The following ACER1 variants were observed in gnomAD, a reference collection of about 807,000 sequenced individuals.
ACER1 encodes the protein alkaline ceramidase 1, also known as CTB-180A7.3.
Under a neutral mutation model 24.9 loss-of-function variants are expected in ACER1, and 28 were observed. The ratio of observed to expected loss-of-function variants is 1.13; its 90% CI spans 0.83 to 1.54. ACER1 has a LOEUF of 1.54. Among genes scored for constraint, ACER1 ranks in the 40% most tolerant of loss-of-function variants. The pLI is 0.00. For missense variants in ACER1, 352 were observed against 349.3 expected (o/e 1.01, Z -0.06); for synonymous variants, 132 against 131.4 (o/e 1.00, Z -0.03).
chr19:6,337,661 C>CTTTTTTTTTTTTTTTTTTTTTTTTT (rs1192304687), upstream of ACER1, among the ~76,000 whole-genome samples: 1 of 25,932 alleles, frequency 3.9e-5, no homozygotes, highest in Non-Finnish European at 6.8e-5. Flanking sequence ...TTCTTTCTTT[C>CTTTTTTTTTTTTTTTTTTTTTTTTT]TTTTTTTTTT....
At chr19:6,359,577 C>G in the ACER1 span, among the ~76,000 whole-genome samples, 2 of 151,968 alleles carry the variant, frequency 1.3e-5, no homozygotes, top group Admixed American at 6.6e-5. Context: ...CTTGGGCTCC[C>G]AAAGTGCTGG....
chr19:6,351,097 T>C, the ACER1 span, among the ~76,000 whole-genome samples: 1 of 152,192 alleles, frequency 6.6e-6, no homozygotes, highest in African/African-American at 2.4e-5. Context: ...CCGGGTGTGG[T>C]GGCTCACGCC....
intron 1 of ACER1, among the ~76,000 whole-genome samples, chr19:6,327,603 A>G (rs1408148182): frequency 2.0e-5 from 3 of 149,214 alleles, no homozygotes; most frequent in Non-Finnish European, 4.4e-5. Flanking sequence ...AAATAAAAAT[A>G]AAATAAAATA....
rs1011999285 is a variant in ACER1, at chr19:6,312,091, G to C, written c.350+58C>G. 1.0e-4 allele frequency: 160 copies of C among 1,583,708 alleles called. 1 individual carries two copies. Among genetic ancestry groups the C allele is most frequent in the Non-Finnish European group, 9.4e-5 (110 of 1,164,292 alleles). On this transcript the variant is annotated intron_variant, in intron 3 of 5. Transcript: ENST00000301452. ...ACCCAGGGGACTCAGGTGAGCTCAT[G>C]TAGAGTCAACTGAAGACTCAGACCC...
the ACER1 span, among the ~76,000 whole-genome samples, chr19:6,347,927 T>A: frequency 7.3e-5 from 11 of 150,424 alleles, no homozygotes; most frequent in Middle Eastern, 7.1e-3. Context: ...CAGTGGCTCA[T>A]GCCTGTAATC....
chr19:6,350,005 C>T, the ACER1 span, among the ~76,000 whole-genome samples: 2 of 152,172 alleles, frequency 1.3e-5, no homozygotes, highest in Non-Finnish European at 2.9e-5. Context: ...GTGGTGCATG[C>T]CTGTGGTCCC....
At chr19:6,333,279 T>A (rs2335192) in intron 1 of ACER1, among the ~76,000 whole-genome samples, 180 bp downstream of exon 1, 1 of 152,150 alleles carries the variant, frequency 6.6e-6, no homozygotes, top group East Asian at 1.9e-4. Context: ...ACCACAGAGC[T>A]TGGCATCAAG....
chr19:6,348,906 A>G, the ACER1 span, among the ~76,000 whole-genome samples: 1 of 151,904 alleles, frequency 6.6e-6, no homozygotes, highest in African/African-American at 2.4e-5. Flanking sequence ...AAATACAAAA[A>G]TTAGCTGGGT....
At chr19:6,324,791 G>C (rs1482679594) in intron 1 of ACER1, among the ~76,000 whole-genome samples, 1 of 143,344 alleles carries the variant, frequency 7.0e-6, no homozygotes, top group Non-Finnish European at 1.5e-5. Flanking sequence ...AGAGAGAGAA[G>C]AGAGAAGAAA....
intron 1 of ACER1, among the ~76,000 whole-genome samples, chr19:6,325,768 G>A (rs1322218378): frequency 6.6e-6 from 1 of 152,098 alleles, no homozygotes; most frequent in East Asian, 1.9e-4. Flanking sequence ...GCTGAGACGG[G>A]AGGACTGCTG....
intron 4 of ACER1, among the ~76,000 whole-genome samples, chr19:6,307,508 C>T (rs2091558042): frequency 6.6e-6 from 1 of 151,680 alleles, no homozygotes; most frequent in African/African-American, 2.4e-5. Flanking sequence ...TCAAGCCAGG[C>T]ATAGTAGCTC....
At chr19:6,349,213 A>G in the ACER1 span, among the ~76,000 whole-genome samples, 1 of 151,774 alleles carries the variant, frequency 6.6e-6, no homozygotes, top group Non-Finnish European at 1.5e-5. Context: ...TTGGTGGCTC[A>G]TGTCTGTAAT....
At chr19:6,319,068 T>C in intron 1 of ACER1, among the ~76,000 whole-genome samples, 1 of 151,954 alleles carries the variant, frequency 6.6e-6, no homozygotes, top group African/African-American at 2.4e-5. Context: ...GGATGTGGTA[T>C]GAGCTCAAAA....
intron 5 of ACER1, 128 bp from the exon 6 acceptor site, chr19:6,307,010 C>T (rs2091555657): frequency 1.3e-6 from 2 of 1,484,834 alleles, no homozygotes. Flanking sequence ...CCCGTGACTG[C>T]AGCCTTCCCC....
the ACER1 span, among the ~76,000 whole-genome samples, chr19:6,347,109 A>AAAAAAAAAAAAAAAAAAAAAAAT: frequency 1.8e-5 from 2 of 113,820 alleles, no homozygotes; most frequent in African/African-American, 1.0e-4. Flanking sequence ...AAAAAAAAAA[A>AAAAAAAAAAAAAAAAAAAAAAAT]ATATATATAT....
chr19:6,335,090 TATATA>T (rs2091707643), upstream of ACER1, among the ~76,000 whole-genome samples: 1 of 146,686 alleles, frequency 6.8e-6, no homozygotes, highest in Non-Finnish European at 1.5e-5. Flanking sequence ...ATACTATTGT[TATATA>T]ATATTTTAAA....
chr19:6,350,980 G>C, the ACER1 span, among the ~76,000 whole-genome samples: 1 of 152,154 alleles, frequency 6.6e-6, no homozygotes, highest in African/African-American at 2.4e-5. Flanking sequence ...GTGACTGGGA[G>C]AGAAAGTCAT....
chr19:6,317,998 A>G (rs1271373262), intron 1 of ACER1, among the ~76,000 whole-genome samples: 3 of 151,400 alleles, frequency 2.0e-5, no homozygotes, highest in African/African-American at 7.3e-5. Context: ...AAGCAGATCC[A>G]CTCACCTCAG....
the ACER1 span, among the ~76,000 whole-genome samples, chr19:6,355,638 C>T: frequency 2.0e-5 from 3 of 146,950 alleles, no homozygotes; most frequent in East Asian, 4.0e-4. Flanking sequence ...GTCAGCCCCC[C>T]GCCCGGCCAG....
Sources: gnomAD v4.1 joint callset for allele counts (sites outside exome capture counted in the v4.1 genomes callset) on GRCh38, gnomAD v4.1.1 for gene constraint, MANE v1.5 for transcripts, NCBI Gene and HGNC (gene_info 2026-07-23, HGNC 2026-07-21) for gene names.